The following SERPINB7 variants were observed in gnomAD, a reference collection of about 807,000 sequenced individuals.
The protein encoded by SERPINB7 is serpin B7.
A neutral mutation model predicts 37.4 loss-of-function variants in SERPINB7; 31 were observed. The observed-to-expected ratio is 0.83, with a 90% CI of 0.62 to 1.12. The LOEUF is 1.12. SERPINB7 is among the 50% of genes most tolerant of loss of function. The probability of loss-of-function intolerance (pLI) is 0.00; values close to 1 mark genes in which losing one functional copy is unlikely to be tolerated. For missense variants in SERPINB7, 521 were observed against 455.3 expected (o/e 1.14, Z -1.31); for synonymous variants, 163 against 166.1 (o/e 0.98, Z 0.14).
At chr18:63,771,621 C>T (rs2049211816), upstream of SERPINB7, among the ~76,000 whole-genome samples, 1 of 152,032 alleles carries the variant, frequency 6.6e-6, no homozygotes, top group Non-Finnish European at 1.5e-5. Flanking sequence ...TAAAGGCATC[C>T]TTCTAAGGGT....
Position 63,796,219 on chromosome 18 carries a change from T to C in SERPINB7, c.337-47T>C. 3.8e-6 allele frequency: 4 copies of C among 1,055,628 alleles called. No individual in the cohort carries two copies. The South Asian group carries it at 5.4e-5, about 14-fold the overall frequency. The allele number at this position is 1,055,628 out of a possible 1,614,324, so 65.4% of individuals were successfully genotyped here. Reference sequence around the variant, plus strand: ...TTCAAAAATACATTTCTTATATACTTAGTTGGTGATGATTTGTAAATACGA... The same window carrying C: ...TTCAAAAATACATTTCTTATATACTCAGTTGGTGATGATTTGTAAATACGA... On this transcript the variant is annotated intron_variant, in intron 4 of 7. Transcript: ENST00000398019.
rs190268251 is a variant in SERPINB7 at position 63,791,662 on chromosome 18, G to A, written c.169-731G>A. Among the ~76,000 whole-genome samples the A allele has an allele frequency of 3.4e-3, 511 of 151,936 alleles. 1 individual carries two copies. Among genetic ancestry groups the A allele is most frequent in the Non-Finnish European group, 5.2e-3 (354 of 67,990 alleles). On this transcript the variant is annotated intron_variant, in intron 2 of 7. Transcript: ENST00000398019. Reference sequence around the variant, plus strand: ...GTCTCACTCTGTTGCCCAGGCTGGAGTGCAGTGGTGCTATCTCGGCTCACT... The same window carrying A: ...GTCTCACTCTGTTGCCCAGGCTGGAATGCAGTGGTGCTATCTCGGCTCACT...
At chr18:63,788,356 A>G (rs2049393906) in intron 2 of SERPINB7, among the ~76,000 whole-genome samples, 1 of 152,238 alleles carries the variant, frequency 6.6e-6, no homozygotes, top group Non-Finnish European at 1.5e-5. Flanking sequence ...AAAAAGTTTA[A>G]AAAGTTAAAA....
At chr18:63,757,997 C>A (rs143805014) in intron 1 of SERPINB7, among the ~76,000 whole-genome samples, 86 of 152,264 alleles carry the variant, frequency 5.6e-4, no homozygotes, top group Non-Finnish European at 7.5e-4. Context: ...ATAAGCATTT[C>A]TTCATACTTT....
At chr18:63,793,970 G>T (rs532907154) in intron 4 of SERPINB7, among the ~76,000 whole-genome samples, 32 of 152,020 alleles carry the variant, frequency 2.1e-4, no homozygotes, top group African/African-American at 7.2e-4. Flanking sequence ...TTTAGACAGA[G>T]TCTAGCTCTG....
chr18:63,773,769 T>C (rs2049225357), upstream of SERPINB7, among the ~76,000 whole-genome samples: 1 of 152,196 alleles, frequency 6.6e-6, no homozygotes, highest in South Asian at 2.1e-4. Flanking sequence ...TTTCTTCTCA[T>C]ACTTATGTCA....
At position 63,804,539 on chromosome 18, in the gene SERPINB7, C is replaced by T. The variant is rs1175892680; in HGVS notation, c.1047C>T (p.Leu349=). Residue 349 remains leucine (L), a synonymous_variant, in exon 8 of 8, where the codon CTC becomes CTT. Transcript: ENST00000398019. ...GAAGTAATATTGTAGAAAAGCAACT[C>T]CCTCAGTCCACGCTGTTTAGAGCTG... is the stretch of plus-strand genomic sequence containing the variant. ...ATGSNIVEKQ[L]PQSTLFRADH... The T allele has an allele frequency of 1.9e-6, 3 of 1,613,806 alleles. No homozygotes were observed. The highest frequency in any genetic ancestry group is 2.5e-6 in the Non-Finnish European group (3 of 1,179,882).
At chr18:63,799,541 A>G (rs1281502305) in intron 6 of SERPINB7, among the ~76,000 whole-genome samples, 1 of 152,214 alleles carries the variant, frequency 6.6e-6, no homozygotes, top group Middle Eastern at 3.2e-3. Context: ...GTAATGTAAT[A>G]TGCTGTTGAA....
Position 63,783,191 on chromosome 18 carries a change from AGAGAGAGAGAG to A in SERPINB7, c.168+652_168+662del, listed in dbSNP as rs2049321315. 8.7e-4 allele frequency among the ~76,000 whole-genome samples: 54 copies of A among 61,922 alleles called. 1 individual carries two copies. Among genetic ancestry groups the A allele is most frequent in the African/African-American group, 2.6e-3 (38 of 14,620 alleles). 40.6% of individuals were successfully genotyped at this position (61,922 alleles called of 152,430 possible). On this transcript the variant is annotated intron_variant, in intron 2 of 7. Transcript: ENST00000398019. ...AGAAAATAAAGAAAGAAAGAAAGAG[AGAGAGAGAGAG>A]AGAGAGAGAGAGAGAGAGAGAGAGA...
chr18:63,796,276 A>G lies in SERPINB7; in HGVS notation c.347A>G (p.Glu116Gly), dbSNP rs1188543630. 1 of 1,600,092 alleles carries G rather than the reference A, an allele frequency of 6.2e-7. No homozygotes were observed. The highest frequency in any genetic ancestry group is 8.6e-7 in the Non-Finnish European group (1 of 1,167,414). ...TATTCTTCTTTATAGGACTACATTG[A>G]GTGTGCCGAAAAATTATACGATGCC... The part of the protein sequence containing the change: ...KVYGFHKDYI[E>G]CAEKLYDAKV... Residue 116 changes from glutamate (E) to glycine (G), a missense_variant, in exon 5 of 8, where the codon GAG (glutamate) becomes GGG (glycine). Glu to Gly is a moderately conservative substitution (Grantham distance 98, BLOSUM62 -2). Coordinates refer to ENST00000398019, the MANE Select transcript of SERPINB7 (RefSeq NM_003784.4).
chr18:63,770,050 T>G (rs920983569), intron 1 of SERPINB7, among the ~76,000 whole-genome samples: 1 of 148,808 alleles, frequency 6.7e-6, no homozygotes, highest in Non-Finnish European at 1.5e-5. Context: ...TTGCCGCTTC[T>G]GCTTGTGTTT....
At chr18:63,756,804 TTG>T (rs74169985) in intron 1 of SERPINB7, among the ~76,000 whole-genome samples, 2,369 of 137,318 alleles carry the variant, frequency 0.017, 49 homozygotes, top group African/African-American at 0.052. Context: ...TTGGGGTAGC[TTG>T]TGTGTGTGTG....
At position 63,790,007 on chromosome 18, in the gene SERPINB7, T is replaced by A. The variant is rs370410935; in HGVS notation, c.169-2386T>A. 3.7e-4 allele frequency among the ~76,000 whole-genome samples: 56 copies of A among 152,310 alleles called. No homozygotes were observed. In the South Asian group the frequency reaches 0.011, roughly 31 times the overall value. ...GGTTCTAGTTCAAAATTTTGGATTT[T>A]GAATTTTTCCATAGGTGAAAACATG... On this transcript the variant is annotated intron_variant, in intron 2 of 7. Transcript: ENST00000398019.
In SERPINB7 at chr18:63,758,165, G is replaced by C. The variant is rs1316786926; in HGVS notation, c.-19+5045G>C. Among the ~76,000 whole-genome samples the C allele has an allele frequency of 2.0e-5, 3 of 152,050 alleles. No homozygotes were observed. In the East Asian group the frequency reaches 5.8e-4, roughly 29 times the overall value. On this transcript the variant is annotated intron_variant, in intron 1 of 7. Transcript: ENST00000336429. ...TGTATCATTGTCATTGCCAACTTTG[G>C]CCTATATAGCAGATAACAAAGGCAT...
intron 7 of SERPINB7, among the ~76,000 whole-genome samples, chr18:63,801,260 A>T (rs1039598381): frequency 6.6e-6 from 1 of 152,348 alleles, no homozygotes; most frequent in Non-Finnish European, 1.5e-5. Flanking sequence ...AACTCTCTCA[A>T]ATGTCAGCTA....
In SERPINB7 at chr18:63,782,458, T is replaced by G; in HGVS notation, c.86T>G (p.Phe29Cys). Residue 29 changes from phenylalanine (F) to cysteine (C), a missense_variant, in exon 2 of 8, where the codon TTC (phenylalanine) becomes TGC (cysteine). Coordinates refer to ENST00000398019, the MANE Select transcript of SERPINB7 (RefSeq NM_003784.4). ...MDDNQGNGNV[F>C]FSSLSLFAAL... Reference sequence around the variant, plus strand: ...GACAATCAAGGAAATGGAAATGTGTTCTTTTCCTCTCTGAGCCTCTTCGCT... The same window carrying G: ...GACAATCAAGGAAATGGAAATGTGTGCTTTTCCTCTCTGAGCCTCTTCGCT... 21 of 1,614,070 alleles carry G rather than the reference T, an allele frequency of 1.3e-5. No individual in the cohort carries two copies. The highest frequency in any genetic ancestry group is 1.5e-5 in the Non-Finnish European group (18 of 1,179,874).
At chr18:63,757,887 AG>A (rs1233363179) in intron 1 of SERPINB7, among the ~76,000 whole-genome samples, 7 of 152,328 alleles carry the variant, frequency 4.6e-5, no homozygotes, top group Middle Eastern at 6.8e-3. Flanking sequence ...GGTTTTGCCA[AG>A]GGTTCCTTTC....
intron 1 of SERPINB7, among the ~76,000 whole-genome samples, chr18:63,756,404 C>A (rs1421781358): frequency 6.6e-6 from 1 of 152,110 alleles, no homozygotes; most frequent in Non-Finnish European, 1.5e-5. Flanking sequence ...GTCTTTCTGT[C>A]CATGGAACAC....
intron 1 of SERPINB7, among the ~76,000 whole-genome samples, chr18:63,780,458 T>G (rs2144608318): frequency 6.6e-6 from 1 of 152,334 alleles, no homozygotes; most frequent in Admixed American, 6.5e-5. Flanking sequence ...TTAGCACTGC[T>G]AGTATCACTC....
Sources: gnomAD v4.1 joint callset for allele counts (sites outside exome capture counted in the v4.1 genomes callset) on GRCh38, gnomAD v4.1.1 for gene constraint, MANE v1.5 for transcripts, NCBI Gene and HGNC (gene_info 2026-07-23, HGNC 2026-07-21) for gene names.